Variants in SDK1 observed in about 807,000 individuals in gnomAD.
SDK1 encodes the protein protein sidekick-1.
Under a neutral mutation model 245.5 loss-of-function variants are expected in SDK1, and 157 were observed. The ratio of observed to expected loss-of-function variants is 0.64; its 90% CI spans 0.56 to 0.73. The LOEUF is 0.73. Ranked by LOEUF, SDK1 falls within the 30% of genes least tolerant of loss-of-function variation. SDK1 has a pLI of 0.00. For missense variants in SDK1, 3,583 were observed against 3,002.3 expected (o/e 1.19, Z -4.52); for synonymous variants, 1,647 against 1,278.5 (o/e 1.29, Z -6.15).
intron 1 of SDK1, among the ~76,000 whole-genome samples, chr7:3,349,850 C>A (rs1780610731): frequency 6.6e-6 from 1 of 152,268 alleles, no homozygotes. Flanking sequence ...TATCTGCCCG[C>A]CTCGGCCTCC....
chr7:3,695,456 T>A (rs1784544138), intron 4 of SDK1, among the ~76,000 whole-genome samples: 1 of 152,220 alleles, frequency 6.6e-6, no homozygotes, highest in Admixed American at 6.5e-5. Flanking sequence ...TTACATATGT[T>A]TTTTGTTATG....
chr7:3,826,054 C>T (rs908484716), intron 5 of SDK1, among the ~76,000 whole-genome samples: 2 of 152,160 alleles, frequency 1.3e-5, no homozygotes, highest in Non-Finnish European at 2.9e-5. Flanking sequence ...TGAGTTTAAT[C>T]ATTTAGCCAT....
At position 4,012,237 on chromosome 7, in the gene SDK1, C is replaced by T; in HGVS notation, c.2420+2C>T. 6.7e-7 allele frequency: 1 copy of T among 1,492,550 alleles called. No homozygotes were observed. Among genetic ancestry groups the T allele is most frequent in the Non-Finnish European group, 8.9e-7 (1 of 1,123,482 alleles). 92.5% of individuals were successfully genotyped at this position (1,492,550 alleles called of 1,614,324 possible). ...GGTGTTGCGTGGATACATCCTCAGG[C>T]AAGTGCCCTGTGATTGGCCATCTTT... On this transcript the variant is annotated splice_donor_variant, in intron 16 of 44. Coordinates refer to ENST00000404826, the MANE Select transcript of SDK1 (RefSeq NM_152744.4). LOFTEE classifies it low-confidence loss of function (GC_TO_GT_DONOR).
At chr7:3,687,177 C>CTT (rs34903598) in intron 4 of SDK1, among the ~76,000 whole-genome samples, 6,495 of 143,196 alleles carry the variant, frequency 0.045, 563 homozygotes, top group African/African-American at 0.15. Context: ...CACAAATGTT[C>CTT]TTTTTTTTTT....
chr7:4,028,462 C>G lies in SDK1; in HGVS notation c.2602+11110C>G, dbSNP rs143064221. Among the ~76,000 whole-genome samples the G allele has an allele frequency of 5.9e-3, 900 of 152,294 alleles. 5 individuals carry two copies. Among genetic ancestry groups the G allele is most frequent in the African/African-American group, 0.019 (778 of 41,564 alleles). ...CTCTCAGAAGAAACCTCAACTGTGT[C>G]TCAGGAAACTCTGGTGGTTGGGTGG... is the stretch of plus-strand genomic sequence containing the variant. On this transcript the variant is annotated intron_variant, in intron 17 of 44. Transcript: ENST00000404826.
chr7:3,800,719 T>C (rs547092433), intron 4 of SDK1, among the ~76,000 whole-genome samples: 3 of 152,176 alleles, frequency 2.0e-5, no homozygotes, highest in South Asian at 2.1e-4. Context: ...TGCCATCACA[T>C]ACCAAATGAT....
At chr7:3,384,322 T>A (rs1336447195) in intron 1 of SDK1, among the ~76,000 whole-genome samples, 1 of 152,192 alleles carries the variant, frequency 6.6e-6, no homozygotes, top group African/African-American at 2.4e-5. Flanking sequence ...CATTTTTATT[T>A]TATAAAACTT....
chr7:3,460,684 G>T (rs374467478), intron 1 of SDK1, among the ~76,000 whole-genome samples: 3 of 152,240 alleles, frequency 2.0e-5, no homozygotes, highest in African/African-American at 7.2e-5. Context: ...AAATAGTTTT[G>T]TGTGTGGTGT....
intron 34 of SDK1, among the ~76,000 whole-genome samples, chr7:4,177,484 G>A (rs867139303): frequency 6.6e-6 from 1 of 152,178 alleles, no homozygotes; most frequent in Admixed American, 6.5e-5. Context: ...CCCAGGACAC[G>A]GCCGCTAAGG....
intron 5 of SDK1, among the ~76,000 whole-genome samples, chr7:3,949,045 A>C (rs1446007746): frequency 6.6e-6 from 1 of 152,120 alleles, no homozygotes. Context: ...CCCCATCGTG[A>C]GTGCATCCGG....
At chr7:3,483,392 T>C (rs1781577788) in intron 1 of SDK1, among the ~76,000 whole-genome samples, 1 of 152,200 alleles carries the variant, frequency 6.6e-6, no homozygotes, top group African/African-American at 2.4e-5. Flanking sequence ...ATATTGAAGA[T>C]GTAAGAAGGC....
At chr7:3,856,794 A>G (rs1272852558) in intron 5 of SDK1, among the ~76,000 whole-genome samples, 3 of 152,232 alleles carry the variant, frequency 2.0e-5, no homozygotes, top group Admixed American at 2.0e-4. Context: ...TCCACCTCGA[A>G]AAACAGCTAT....
chr7:3,551,886 G>C (rs1779427223), intron 1 of SDK1, among the ~76,000 whole-genome samples: 1 of 151,918 alleles, frequency 6.6e-6, no homozygotes. Flanking sequence ...TTTCTTTACA[G>C]AATTATTTAG....
chr7:4,213,875 A>T (rs1784642375), intron 38 of SDK1, among the ~76,000 whole-genome samples: 1 of 152,090 alleles, frequency 6.6e-6, no homozygotes, highest in Non-Finnish European at 1.5e-5. Flanking sequence ...TTTTTAGACA[A>T]TCCTTTCAGC....
chr7:4,203,096 G>A (rs1426807323), intron 35 of SDK1, among the ~76,000 whole-genome samples: 5 of 152,246 alleles, frequency 3.3e-5, no homozygotes, highest in Non-Finnish European at 7.3e-5. Flanking sequence ...GGGCTTGGCT[G>A]CAGCCTCCAG....
At chr7:4,082,909 C>T (rs573574120) in intron 22 of SDK1, among the ~76,000 whole-genome samples, 2 of 152,148 alleles carry the variant, frequency 1.3e-5, no homozygotes, top group Non-Finnish European at 2.9e-5. Flanking sequence ...GCATGAGCCA[C>T]CGCACCTGGC....
At chr7:3,462,905 C>G (rs1405888309) in intron 1 of SDK1, among the ~76,000 whole-genome samples, 2 of 152,162 alleles carry the variant, frequency 1.3e-5, no homozygotes, top group East Asian at 3.8e-4. Flanking sequence ...ACCAGGTTAT[C>G]CTTGCTTGCC....
intron 4 of SDK1, among the ~76,000 whole-genome samples, chr7:3,762,353 G>T (rs1780131030): frequency 6.6e-6 from 1 of 152,226 alleles, no homozygotes; most frequent in South Asian, 2.1e-4. Flanking sequence ...GGATAGTCCT[G>T]CAGGATGAAG....
intron 22 of SDK1, among the ~76,000 whole-genome samples, chr7:4,087,377 C>T (rs1781490899): frequency 6.6e-6 from 1 of 152,146 alleles, no homozygotes; most frequent in Non-Finnish European, 1.5e-5. Flanking sequence ...TATTCATGCA[C>T]TAATTCCACA....
Sources: allele counts gnomAD v4.1 joint callset (sites outside exome capture counted in the v4.1 genomes callset), GRCh38; gene constraint gnomAD v4.1.1; transcripts MANE v1.5; gene names NCBI Gene and HGNC (gene_info 2026-07-23, HGNC 2026-07-21).